Variants in SPATA2 observed in about 807,000 individuals in gnomAD.
SPATA2 encodes spermatogenesis-associated protein 2.
Under a neutral mutation model 35.4 loss-of-function variants are expected in SPATA2, and 8 were observed. The observed-to-expected ratio is 0.23, with a 90% confidence interval of 0.13 to 0.41. SPATA2 has a LOEUF of 0.41. SPATA2 is among the 10% of genes least tolerant of loss of function. The pLI is 1.00. For synonymous variants in SPATA2, 293 were observed against 300.9 expected (o/e 0.97, Z 0.27); for missense variants, 650 against 698.7 (o/e 0.93, Z 0.79).
intron 1 of SPATA2, among the ~76,000 whole-genome samples, chr20:49,909,211 T>C (rs1190896610): frequency 1.3e-5 from 2 of 152,018 alleles, no homozygotes; most frequent in Non-Finnish European, 2.9e-5. Flanking sequence ...TTAGTCAAGA[T>C]GGGGTTTCAC....
chr20:49,905,480 C>T lies in SPATA2; in HGVS notation c.*139G>A. 1.1e-6 allele frequency: 1 copy of T among 910,146 alleles called. No homozygotes were observed. The highest frequency in any genetic ancestry group is 1.7e-6 in the Non-Finnish European group (1 of 602,648). The allele number at this position is 910,146 out of a possible 1,614,324, so 56.4% of individuals were successfully genotyped here. A position where few individuals can be genotyped will look rare whatever the true frequency, so the allele number is the denominator to read the frequency against. Reference sequence around the variant, plus strand: ...CGCTAAGTGAACTCCCACGTGGACACAGCCAGCCCACGATCTCTGCCACCT... The same window carrying T: ...CGCTAAGTGAACTCCCACGTGGACATAGCCAGCCCACGATCTCTGCCACCT... On this transcript the variant is annotated 3_prime_UTR_variant, in exon 3 of 3. Transcript: ENST00000289431.
intron 1 of SPATA2, among the ~76,000 whole-genome samples, chr20:49,911,667 TA>T (rs1338174615): frequency 2.9e-3 from 370 of 127,426 alleles, no homozygotes; most frequent in Middle Eastern, 0.013. Context: ...ACTCCGTCTC[TA>T]AAAAAAAAAA....
At chr20:49,908,924 T>G (rs556796005) in intron 1 of SPATA2, among the ~76,000 whole-genome samples, 31 of 152,296 alleles carry the variant, frequency 2.0e-4, no homozygotes, top group African/African-American at 7.2e-4. Context: ...ATGAGGAGTC[T>G]GCCAGGCCAA....
rs1364322078 is a variant in SPATA2, at chr20:49,906,906, CTA to C, written c.337-63_337-62del. The stretch of plus-strand genomic sequence containing the variant: ...TTCTGTCAGAGACACAAGACAGAGA[CTA>C]TGTCAAAGCAAAGGATGTCCAGCTC... On this transcript the variant is annotated intron_variant, in intron 2 of 2. Transcript: ENST00000289431. The surrounding 1 kb of genome is among the most constrained non-coding windows in gnomAD (Gnocchi z 8.2). The C allele has an allele frequency of 6.5e-7, 1 of 1,539,198 alleles. No individual in the cohort carries two copies.
rs1188977690 is a variant in SPATA2 at position 49,909,215 on chromosome 20, GT to G, written c.-102-624del. Among the ~76,000 whole-genome samples, 3 of 152,020 alleles carry G rather than the reference GT, an allele frequency of 2.0e-5. No individual in the cohort carries two copies. The East Asian group carries it at 5.9e-4, about 30-fold the overall frequency. On this transcript the variant is annotated intron_variant, in intron 1 of 2. Coordinates refer to ENST00000289431, the MANE Select transcript of SPATA2 (RefSeq NM_006038.4). Reference sequence around the variant, plus strand: ...TTTTTGTATTTTTAGTCAAGATGGGGTTTCACCATGTTGGCCAGGCTGGTCT... The same window carrying G: ...TTTTTGTATTTTTAGTCAAGATGGGGTTCACCATGTTGGCCAGGCTGGTCT...
At chr20:49,909,910 G>A (rs753623587) in intron 1 of SPATA2, among the ~76,000 whole-genome samples, 3 of 152,234 alleles carry the variant, frequency 2.0e-5, no homozygotes, top group Non-Finnish European at 2.9e-5. Flanking sequence ...AGAGGCCACC[G>A]TGGCTACCGG....
At chr20:49,914,502 C>T (rs1274519167) in intron 1 of SPATA2, among the ~76,000 whole-genome samples, 1 of 152,238 alleles carries the variant, frequency 6.6e-6, no homozygotes, top group African/African-American at 2.4e-5. Flanking sequence ...CCCTCCACCT[C>T]CCCACCCACA....
At chr20:49,913,543 A>C (rs1254450093) in intron 1 of SPATA2, 1 of 152,278 alleles carries the variant, frequency 6.6e-6, no homozygotes, top group East Asian at 1.9e-4. Context: ...ACCTAGGTCT[A>C]ACGCCAAAAC....
At position 49,905,932 on chromosome 20, in the gene SPATA2, G is replaced by T; in HGVS notation, c.1250C>A (p.Ala417Asp). The stretch of plus-strand genomic sequence containing the variant: ...GTGGGCCAGGCTGTCATGAGTCGAG[G>T]CCTTGCTGGGGAAGGCGCTGGGCTT... ...ASKPSAFPSK[A>D]STHDSLAHGA... The change falls in exon 3 of 3, where the codon GCC becomes GAC. Residue 417 changes from alanine to aspartate, a missense_variant. Physicochemically the swap from Ala to Asp is moderately radical, Grantham distance 126. Coordinates refer to ENST00000289431, the MANE Select transcript of SPATA2 (RefSeq NM_006038.4). The T allele has an allele frequency of 6.2e-7, 1 of 1,611,294 alleles. No individual in the cohort carries two copies.
In SPATA2 at chr20:49,906,584, T is replaced by C; in HGVS notation, c.598A>G (p.Ser200Gly). The C allele has an allele frequency of 6.2e-7, 1 of 1,614,242 alleles. No homozygotes were observed. Among genetic ancestry groups the C allele is most frequent in the Non-Finnish European group, 8.5e-7 (1 of 1,180,042 alleles). ...GAGCAGCCGCGCACATCCTCTGCAC[T>C]GCTCTTGCGCTCGCTCACAATGTCC... ...ELDIVSERKS[S>G]AEDVRGCSDA... The change falls in exon 3 of 3, where the codon AGT (serine) becomes GGT (glycine). Residue 200 changes from serine (S) to glycine (G), a missense_variant. Transcript: ENST00000289431. This position sits in a 1 kb window ranked among gnomAD's most constrained non-coding sequence, Gnocchi z 8.2.
intron 1 of SPATA2, among the ~76,000 whole-genome samples, chr20:49,909,357 A>G (rs942978964): frequency 9.9e-5 from 15 of 152,092 alleles, no homozygotes; most frequent in Admixed American, 6.5e-4. Context: ...TAGGAGAGAG[A>G]CGCTACAGGC....
chr20:49,906,924 T>C lies in SPATA2; in HGVS notation c.337-79A>G, dbSNP rs1427881996. 2 of 1,489,232 alleles carry C rather than the reference T, an allele frequency of 1.3e-6. No homozygotes were observed. Among genetic ancestry groups the C allele is most frequent in the Admixed American group, 2.1e-5 (1 of 47,000 alleles). The allele number at this position is 1,489,232 out of a possible 1,614,324, so 92.3% of individuals were successfully genotyped here. ...ACAGAGACTATGTCAAAGCAAAGGA[T>C]GTCCAGCTCTGAAGTGGGGCGGCGG... is the stretch of plus-strand genomic sequence containing the variant. On this transcript the variant is annotated intron_variant, in intron 2 of 2. Transcript: ENST00000289431. This position sits in a 1 kb window ranked among gnomAD's most constrained non-coding sequence, Gnocchi z 8.2.
Position 49,908,335 on chromosome 20 carries a change from C to T in SPATA2, c.156G>A (p.Leu52=), listed in dbSNP as rs762755085. The T allele has an allele frequency of 8.1e-6, 13 of 1,614,268 alleles. No individual in the cohort carries two copies. Among genetic ancestry groups the T allele is most frequent in the Middle Eastern group, 1.6e-4 (1 of 6,062 alleles). The change falls in exon 2 of 3, where the codon CTG becomes CTA. Residue 52 remains leucine (L), a synonymous_variant. Transcript: ENST00000289431. ...LRVAASTLLS[L]HKVDPFYRFR... ...ATCGATAAAAGGGATCCACCTTGTGCAGGCTGAGCAGGGTTGAGGCTGCCA... is the reference window on the plus strand; with the variant it reads ...ATCGATAAAAGGGATCCACCTTGTGTAGGCTGAGCAGGGTTGAGGCTGCCA...
At chr20:49,914,437 T>C (rs562471911) in intron 1 of SPATA2, among the ~76,000 whole-genome samples, 1 of 152,078 alleles carries the variant, frequency 6.6e-6, no homozygotes, top group East Asian at 1.9e-4. Flanking sequence ...GGTTTACACA[T>C]CCCTGGTCTA....
chr20:49,908,129 G>T, intron 2 of SPATA2, 26 bp downstream of exon 2: 1 of 1,576,932 alleles, frequency 6.3e-7, no homozygotes, highest in Non-Finnish European at 8.6e-7. Context: ...AGGAGGGCCT[G>T]TATGGAGGCT....
chr20:49,913,675 G>A (rs1362920467), intron 1 of SPATA2: 1 of 152,202 alleles, frequency 6.6e-6, no homozygotes, highest in African/African-American at 2.4e-5. Context: ...TCCTGTAGTA[G>A]CAAAATTCCC....
rs1299727295 is a variant in SPATA2, at chr20:49,904,400, G to C, written c.*1219C>G. 6.6e-6 allele frequency: 1 copy of C among 152,586 alleles called. No homozygotes were observed. The highest frequency in any genetic ancestry group is 2.4e-5 in the African/African-American group (1 of 41,452). The allele number at this position is 152,586 out of a possible 1,614,324, so 9.5% of individuals were successfully genotyped here. On this transcript the variant is annotated 3_prime_UTR_variant, in exon 3 of 3. Coordinates refer to ENST00000289431, the MANE Select transcript of SPATA2 (RefSeq NM_006038.4). The stretch of plus-strand genomic sequence containing the variant: ...GATGAGTCCTGGAAACTGGTGAAGA[G>C]AAGAGGATTGAGATGGAGGGGCAGT...
intron 1 of SPATA2, among the ~76,000 whole-genome samples, chr20:49,912,687 G>A (rs980916745): frequency 3.9e-5 from 6 of 152,170 alleles, no homozygotes; most frequent in South Asian, 2.1e-4. Flanking sequence ...TCTCAAGCTC[G>A]GCTCAGCGTC....
At position 49,906,318 on chromosome 20, in the gene SPATA2, C is replaced by T; in HGVS notation, c.864G>A (p.Lys288=). 1 of 1,602,924 alleles carries T rather than the reference C, an allele frequency of 6.2e-7. No individual in the cohort carries two copies. Among genetic ancestry groups the T allele is most frequent in the South Asian group, 1.1e-5 (1 of 89,262 alleles). The change falls in exon 3 of 3, where the codon AAG becomes AAA. Residue 288 remains lysine, a synonymous_variant. Coordinates refer to ENST00000289431, the MANE Select transcript of SPATA2 (RefSeq NM_006038.4). This position sits in a 1 kb window ranked among gnomAD's most constrained non-coding sequence, Gnocchi z 8.2. ...PVATDVGDDL[K]DEIIRPSPSL... is the part of the protein sequence containing the mutation. ...AAGGGGATGGGCGGATGATCTCATC[C>T]TTGAGGTCGTCCCCCACATCCGTTG...
Sources: gnomAD v4.1 joint callset for allele counts (sites outside exome capture counted in the v4.1 genomes callset) on GRCh38, gnomAD v4.1.1 for gene constraint, Gnocchi (gnomAD v3.1) non-coding constraint, MANE v1.5 for transcripts, NCBI Gene and HGNC (gene_info 2026-07-23, HGNC 2026-07-21) for gene names.